LRRFIP2: variants seen among roughly 807,000 people sequenced by gnomAD.
The protein encoded by LRRFIP2 is LRR binding FLII interacting protein 2, also known as leucine-rich repeat flightless-interacting protein 2.
A neutral mutation model predicts 125.9 loss-of-function variants in LRRFIP2; 109 were observed. The ratio of observed to expected loss-of-function variants is 0.87; its 90% CI spans 0.74 to 1.01. The LOEUF is 1.01. Among genes scored for constraint, LRRFIP2 ranks in the 50% least tolerant of loss-of-function variants. The pLI is 0.00. For synonymous variants in LRRFIP2, 291 were observed against 293.1 expected (o/e 0.99, Z 0.07); for missense variants, 850 against 862.3 (o/e 0.99, Z 0.18).
intron 19 of LRRFIP2, among the ~76,000 whole-genome samples, chr3:37,082,187 G>T (rs2092699880): frequency 6.6e-6 from 1 of 152,010 alleles, no homozygotes; most frequent in East Asian, 1.9e-4. Flanking sequence ...GGAGTCCAGA[G>T]GCTCTAGGAA....
At chr3:37,114,970 AAGTT>A (rs1207647764) in intron 7 of LRRFIP2, 80 bp downstream of exon 7, 1 of 1,066,258 alleles carries the variant, frequency 9.4e-7, no homozygotes, top group Non-Finnish European at 1.4e-6. Flanking sequence ...AAAGCCATGA[AAGTT>A]AGTCATATTC....
intron 3 of LRRFIP2, among the ~76,000 whole-genome samples, chr3:37,128,309 T>C (rs2095339782): frequency 6.6e-6 from 1 of 152,184 alleles, no homozygotes; most frequent in African/African-American, 2.4e-5. Context: ...TTCATACTAC[T>C]ACAACATCAA....
chr3:37,150,190 C>T (rs57515127), intron 1 of LRRFIP2, among the ~76,000 whole-genome samples: 24 of 152,236 alleles, frequency 1.6e-4, no homozygotes, highest in African/African-American at 1.4e-4. Flanking sequence ...TCGCCAGGCG[C>T]GGTGGCTCAC....
chr3:37,143,629 T>C, intron 2 of LRRFIP2: 1 of 186,178 alleles, frequency 5.4e-6, no homozygotes, highest in Non-Finnish European at 1.2e-5. Flanking sequence ...AATAATTTAA[T>C]CTCCAAATAA....
At chr3:37,111,911 T>A (rs2094558453) in intron 8 of LRRFIP2, 1 of 152,648 alleles carries the variant, frequency 6.6e-6, no homozygotes, top group East Asian at 1.9e-4. Flanking sequence ...TCCTCCCTTG[T>A]ACCAACCAAA....
chr3:37,132,045 C>T (rs2095440615), intron 2 of LRRFIP2, among the ~76,000 whole-genome samples: 1 of 152,172 alleles, frequency 6.6e-6, no homozygotes, highest in African/African-American at 2.4e-5. Flanking sequence ...ATGAATTTTA[C>T]ACTGGCCTCC....
At chr3:37,058,707 A>G (rs2087656005) in intron 25 of LRRFIP2, 83 bp downstream of exon 25, 2 of 1,463,462 alleles carry the variant, frequency 1.4e-6, no homozygotes, top group South Asian at 1.2e-5. Context: ...GTGTATTACA[A>G]GATACCAGCA....
At chr3:37,137,024 G>A (rs2095575595) in intron 2 of LRRFIP2, among the ~76,000 whole-genome samples, 1 of 151,426 alleles carries the variant, frequency 6.6e-6, no homozygotes, top group African/African-American at 2.4e-5. Context: ...CTAGAGTGCA[G>A]TGGCATGATC....
chr3:37,119,892 C>A (rs996636457), intron 6 of LRRFIP2, among the ~76,000 whole-genome samples: 3 of 151,954 alleles, frequency 2.0e-5, no homozygotes, highest in African/African-American at 7.3e-5. Context: ...GAACTCTGAA[C>A]CTCAGGTGAT....
At chr3:37,077,770 T>C (rs1421462778) in intron 19 of LRRFIP2, among the ~76,000 whole-genome samples, 1 of 152,194 alleles carries the variant, frequency 6.6e-6, no homozygotes, top group Non-Finnish European at 1.5e-5. Flanking sequence ...CATTGATAGA[T>C]GAATGCATAA....
rs376110228 is a variant in LRRFIP2, at chr3:37,072,816, G to A, written c.1438C>T (p.Leu480Phe). The change falls in exon 21 of 28, where the codon CTT becomes TTT. Residue 480 changes from leucine (L) to phenylalanine (F), a missense_variant. Transcript: ENST00000336686. ...TKEVFDLQETLLWKDKKIGAL... is the reference protein window; with the variant it reads ...TKEVFDLQETFLWKDKKIGAL... ...CCAATTTTTTTATCTTTCCAAAGAAGTGTCTCCTGGAGGTCAAACACCTCT... is the reference window on the plus strand; with the variant it reads ...CCAATTTTTTTATCTTTCCAAAGAAATGTCTCCTGGAGGTCAAACACCTCT... The A allele has an allele frequency of 1.9e-6, 3 of 1,612,778 alleles. No homozygotes were observed. The highest frequency in any genetic ancestry group is 2.7e-5 in the African/African-American group (2 of 74,878).
chr3:37,079,745 A>T (rs2092456362), intron 19 of LRRFIP2, among the ~76,000 whole-genome samples: 1 of 152,218 alleles, frequency 6.6e-6, no homozygotes, highest in African/African-American at 2.4e-5. Context: ...AATAGGCTAT[A>T]AAAAGGAATT....
chr3:37,123,114 A>G (rs1275433725), intron 4 of LRRFIP2, among the ~76,000 whole-genome samples: 1 of 152,238 alleles, frequency 6.6e-6, no homozygotes, highest in Non-Finnish European at 1.5e-5. Context: ...AAGCACTACT[A>G]TGATTCAATT....
In LRRFIP2 at chr3:37,094,870, T is replaced by G. The variant is rs748664932; in HGVS notation, c.957A>C (p.Leu319=). Residue 319 remains leucine, a synonymous_variant, in exon 17 of 28, where the codon CTA becomes CTC. Transcript: ENST00000336686. ...TTCCTCGTCTGGATGAGTTTCCACTTAGAGGGGTTGTTGCTGAGGCAGAAT... is the reference window on the plus strand; with the variant it reads ...TTCCTCGTCTGGATGAGTTTCCACTGAGAGGGGTTGTTGCTGAGGCAGAAT... The part of the protein sequence containing the change: ...SRNSASATTP[L]SGNSSRRGSG... The G allele has an allele frequency of 6.2e-7, 1 of 1,613,684 alleles. No individual in the cohort carries two copies. Among genetic ancestry groups the G allele is most frequent in the African/African-American group, 1.3e-5 (1 of 74,890 alleles).
chr3:37,067,266 G>A (rs907642867), intron 21 of LRRFIP2: 3 of 152,048 alleles, frequency 2.0e-5, no homozygotes, highest in Non-Finnish European at 2.9e-5. Context: ...TGTCAGCTGA[G>A]GACAATGCAG....
chr3:37,110,502 A>C (rs1198171047), intron 9 of LRRFIP2, among the ~76,000 whole-genome samples: 3 of 152,164 alleles, frequency 2.0e-5, no homozygotes, highest in Non-Finnish European at 4.4e-5. Flanking sequence ...AAAACAAGAG[A>C]TTCTAACATT....
At chr3:37,112,649 AG>A (rs2094595108) in intron 8 of LRRFIP2, among the ~76,000 whole-genome samples, 1 of 152,232 alleles carries the variant, frequency 6.6e-6, no homozygotes, top group South Asian at 2.1e-4. Flanking sequence ...CCTATTCTTG[AG>A]GTATATTCCA....
intron 25 of LRRFIP2, among the ~76,000 whole-genome samples, chr3:37,058,491 T>C (rs983770132): frequency 5.9e-5 from 9 of 151,928 alleles, no homozygotes; most frequent in African/African-American, 2.2e-4. Context: ...CTGGTAACTA[T>C]GGTGAAACTC....
At chr3:37,054,324 C>T in intron 27 of LRRFIP2, 87 bp downstream of exon 27, 1 of 1,139,594 alleles carries the variant, frequency 8.8e-7, no homozygotes, top group Admixed American at 2.0e-5. Context: ...CCTTAAGTAT[C>T]AAATTTCTTA....
Sources: gnomAD v4.1 joint callset for allele counts (sites outside exome capture counted in the v4.1 genomes callset) on GRCh38, gnomAD v4.1.1 for gene constraint, MANE v1.5 for transcripts, NCBI Gene and HGNC (gene_info 2026-07-23, HGNC 2026-07-21) for gene names.